Variants in CYB5R4 observed in about 807,000 individuals in gnomAD.
CYB5R4 encodes the protein cytochrome b5 reductase 4.
A neutral mutation model predicts 70.2 loss-of-function variants in CYB5R4; 55 were observed. The ratio of observed to expected loss-of-function variants is 0.78; its 90% CI spans 0.63 to 0.98. The LOEUF (loss-of-function observed/expected upper bound fraction) is 0.98. Ranked by LOEUF, CYB5R4 falls within the 50% of genes least tolerant of loss-of-function variation. The pLI, the probability that CYB5R4 is intolerant of heterozygous loss-of-function variation, is 0.00. For missense variants in CYB5R4, 562 were observed against 612.6 expected, an observed-to-expected ratio of 0.92 and a Z score of 0.87; for synonymous variants, 197 against 199.5, an observed-to-expected ratio of 0.99 and a Z score of 0.11.
chr6:83,923,864 G>A (rs1398370428), intron 9 of CYB5R4, among the ~76,000 whole-genome samples: 2 of 151,128 alleles, frequency 1.3e-5, no homozygotes, highest in Non-Finnish European at 2.9e-5. Flanking sequence ...AGGAGATCGA[G>A]ACCATCCTGG....
chr6:83,936,169 TTGAGA>T (rs1385331708), intron 11 of CYB5R4, 50 bp from the exon 12 acceptor site: 8 of 1,335,402 alleles, frequency 6.0e-6, no homozygotes, highest in Non-Finnish European at 7.1e-6. Flanking sequence ...TTCATTTTCA[TTGAGA>T]TTTTTGGATT....
chr6:83,916,859 A>T (rs980905429), intron 5 of CYB5R4, among the ~76,000 whole-genome samples: 2 of 152,142 alleles, frequency 1.3e-5, no homozygotes, highest in Non-Finnish European at 2.9e-5. Context: ...AATTTATATC[A>T]AATACTTTGA....
rs557700710 is a variant in CYB5R4 at position 83,949,089 on chromosome 6, C to A, written c.1347-6209C>A. ...CTCCTAGTATTGTGTAATTTATGAT[C>A]CCCATAGACTCCTGGCGTTTTGGGC... On this transcript the variant is annotated intron_variant, in intron 14 of 15. Transcript: ENST00000369681. 3.3e-5 allele frequency among the ~76,000 whole-genome samples: 5 copies of A among 150,954 alleles called. No individual in the cohort carries two copies. The South Asian group carries it at 1.0e-3, about 32-fold the overall frequency.
At chr6:83,889,268 G>A (rs1026910065) in intron 2 of CYB5R4, among the ~76,000 whole-genome samples, 5 of 152,148 alleles carry the variant, frequency 3.3e-5, no homozygotes, top group Non-Finnish European at 7.3e-5. Context: ...GTCTTCTATT[G>A]GCTAAAGATG....
At chr6:83,943,154 A>AG (rs1458115698) in intron 14 of CYB5R4, among the ~76,000 whole-genome samples, 1 of 152,136 alleles carries the variant, frequency 6.6e-6, no homozygotes, top group African/African-American at 2.4e-5. Context: ...CTGACACCTG[A>AG]GCCTCCTGAC....
intron 2 of CYB5R4, among the ~76,000 whole-genome samples, chr6:83,881,979 A>G (rs2099459516): frequency 6.6e-6 from 1 of 152,256 alleles, no homozygotes; most frequent in Non-Finnish European, 1.5e-5. Context: ...CGAGTGCTCT[A>G]AAATAATATG....
At chr6:83,914,881 C>G (rs2099465253) in intron 5 of CYB5R4, among the ~76,000 whole-genome samples, 1 of 150,514 alleles carries the variant, frequency 6.6e-6, no homozygotes. Context: ...CTTTACTGGC[C>G]CAAACTTAAG....
At chr6:83,900,600 C>CT (rs1305076921) in intron 3 of CYB5R4, among the ~76,000 whole-genome samples, 3 of 152,160 alleles carry the variant, frequency 2.0e-5, no homozygotes, top group Admixed American at 6.5e-5. Context: ...GTGTGGGAGT[C>CT]TAAGTCTCTT....
intron 2 of CYB5R4, among the ~76,000 whole-genome samples, chr6:83,876,370 A>G (rs192289415): frequency 1.7e-3 from 260 of 152,288 alleles, no homozygotes; most frequent in Non-Finnish European, 3.0e-3. Flanking sequence ...CTTACAAAAA[A>G]GTTGCAAGTG....
intron 3 of CYB5R4, among the ~76,000 whole-genome samples, chr6:83,908,165 G>A (rs896789232): frequency 7.9e-5 from 12 of 151,996 alleles, no homozygotes; most frequent in Non-Finnish European, 1.6e-4. Context: ...TTTTATTAAT[G>A]CCATTCTAAC....
intron 4 of CYB5R4, among the ~76,000 whole-genome samples, chr6:83,909,724 T>A (rs940298373): frequency 6.6e-6 from 1 of 152,208 alleles, no homozygotes; most frequent in Non-Finnish European, 1.5e-5. Context: ...ACCTGCTTTT[T>A]TGTAATGTAT....
At chr6:83,868,900 G>A (rs2099457141) in intron 2 of CYB5R4, among the ~76,000 whole-genome samples, 1 of 152,210 alleles carries the variant, frequency 6.6e-6, no homozygotes, top group Non-Finnish European at 1.5e-5. Context: ...GTGAGGGTAA[G>A]GGAAGTGTGG....
At position 83,967,132 on chromosome 6, in the gene CYB5R4, A is replaced by G. The variant is rs2099474203; in HGVS notation, c.*7254A>G. 6.6e-6 allele frequency: 1 copy of G among 152,228 alleles called. No individual in the cohort carries two copies. The allele number at this position is 152,228 out of a possible 1,614,324, so 9.4% of individuals were successfully genotyped here. A position where few individuals can be genotyped will look rare whatever the true frequency, so the allele number is the denominator to read the frequency against. Reference sequence around the variant, plus strand: ...CACCCAACAAAACTTAATGGTGAATATAAAGGCATAAACCAATATAGAATG... The same window carrying G: ...CACCCAACAAAACTTAATGGTGAATGTAAAGGCATAAACCAATATAGAATG... On this transcript the variant is annotated 3_prime_UTR_variant, in exon 16 of 16. Coordinates refer to ENST00000369681, the MANE Select transcript of CYB5R4 (RefSeq NM_016230.4).
rs779706279 is a variant in CYB5R4, at chr6:83,918,829, T to G, written c.507-568T>G. Among the ~76,000 whole-genome samples the G allele has an allele frequency of 1.4e-3, 208 of 152,242 alleles. 3 individuals carry two copies. The highest frequency in any genetic ancestry group is 8.7e-4 in the Non-Finnish European group (59 of 67,946). On this transcript the variant is annotated intron_variant, in intron 6 of 15. Transcript: ENST00000369681. ...GCATCCTGCTATATTTGTTAAATTA[T>G]TTCATATACAATTTTAAGTTAGGGA...
Position 83,960,042 on chromosome 6 carries a change from C to A in CYB5R4, c.*164C>A. The A allele has an allele frequency of 2.0e-6, 1 of 488,364 alleles. No individual in the cohort carries two copies. 30.3% of individuals were successfully genotyped at this position (488,364 alleles called of 1,614,324 possible). A position where few individuals can be genotyped will look rare whatever the true frequency, so the allele number is the denominator to read the frequency against. On this transcript the variant is annotated 3_prime_UTR_variant, in exon 16 of 16. Transcript: ENST00000369681. ...TCCTTCAGTACAGGTAACTTCTTGG[C>A]TTTCTTTTGTACCACAACTTATTTT...
intron 10 of CYB5R4, among the ~76,000 whole-genome samples, chr6:83,932,998 T>G (rs1481973377): frequency 2.0e-5 from 3 of 152,314 alleles, no homozygotes; most frequent in South Asian, 2.1e-4. Context: ...GACAGTTATT[T>G]GCGTGATTTA....
chr6:83,926,158 GA>G (rs1324987328), intron 10 of CYB5R4: 1 of 152,102 alleles, frequency 6.6e-6, no homozygotes, highest in African/African-American at 2.4e-5. Context: ...AAGCTAATTG[GA>G]AACTGTGCAT....
rs955305015 is a variant in CYB5R4 at position 83,905,202 on chromosome 6, G to A, written c.331-3807G>A. Among the ~76,000 whole-genome samples the A allele has an allele frequency of 7.2e-5, 11 of 152,018 alleles. No individual in the cohort carries two copies. The East Asian group carries it at 1.5e-3, about 21-fold the overall frequency. On this transcript the variant is annotated intron_variant, in intron 3 of 15. Coordinates refer to ENST00000369681, the MANE Select transcript of CYB5R4 (RefSeq NM_016230.4). ...CCCAAGTAGCTGGGACTACAGGCAC[G>A]CGCCTCCACACCTGGCTAATTTTTT...
intron 11 of CYB5R4, 67 bp downstream of exon 11, chr6:83,934,802 CT>C: frequency 7.3e-7 from 1 of 1,378,312 alleles, no homozygotes; most frequent in Non-Finnish European, 9.9e-7. Flanking sequence ...CAGTACTATT[CT>C]CTCTAGAAAA....
Sources: gnomAD v4.1 joint callset for allele counts (sites outside exome capture counted in the v4.1 genomes callset) on GRCh38, gnomAD v4.1.1 for gene constraint, MANE v1.5 for transcripts, NCBI Gene and HGNC (gene_info 2026-07-23, HGNC 2026-07-21) for gene names.